Variants in FAM25G observed in about 807,000 individuals in gnomAD.
The protein encoded by FAM25G is protein FAM25G.
In FAM25G, 3 loss-of-function variants were observed where a neutral mutation model predicts 6.4. The ratio of observed to expected loss-of-function variants is 0.47; its 90% CI spans 0.21 to 1.21. The LOEUF is 1.21. FAM25G is among the 50% of genes most tolerant of loss of function. FAM25G has a pLI of 0.22. For missense variants in FAM25G, 34 were observed against 76.0 expected, an observed-to-expected ratio of 0.45 and a Z score of 2.06; for synonymous variants, 15 against 31.3, an observed-to-expected ratio of 0.48 and a Z score of 1.74.
Position 47,491,620 on chromosome 10 carries a change from T to C in FAM25G, c.55A>G (p.Lys19Glu), listed in dbSNP as rs1588940110. The C allele has an allele frequency of 1.1e-5, 17 of 1,533,616 alleles. No individual in the cohort carries two copies. In the East Asian group the frequency reaches 4.3e-4, roughly 39 times the overall value. The change falls in exon 1 of 3, where the codon AAG (lysine) becomes GAG (glutamate). Residue 19 changes from lysine (K) to glutamate (E), a missense_variant. Coordinates refer to ENST00000452267, the MANE Select transcript of FAM25G (RefSeq NM_001137549.2). Reference sequence around the variant, plus strand: ...TCCTCACTGGCTCCCTCGGTGGCCTTCTCGGTGCGGTGGGCCAGGCCCTCG... The same window carrying C: ...TCCTCACTGGCTCCCTCGGTGGCCTCCTCGGTGCGGTGGGCCAGGCCCTCG... Reference protein sequence around the residue: ...AAEGLAHRTEKATEGAIHAVE... With the variant: ...AAEGLAHRTEEATEGAIHAVE...
intron 2 of FAM25G, among the ~76,000 whole-genome samples, chr10:47,487,771 A>G (rs1840072872): frequency 7.1e-6 from 1 of 140,688 alleles, no homozygotes; most frequent in Non-Finnish European, 1.5e-5. Flanking sequence ...CTTGGTTTAT[A>G]GTGTTTTTTT....
intron 1 of FAM25G, among the ~76,000 whole-genome samples, 190 bp from the exon 2 acceptor site, chr10:47,489,838 C>A (rs1840115662): frequency 7.3e-6 from 1 of 137,742 alleles, no homozygotes; most frequent in East Asian, 2.1e-4. Flanking sequence ...CTATACATCC[C>A]TGGGCATCCT....
chr10:47,491,541 C>T, intron 1 of FAM25G, 61 bp downstream of exon 1: 1 of 1,384,930 alleles, frequency 7.2e-7, no homozygotes, highest in Middle Eastern at 2.6e-4. Flanking sequence ...ATCCGCCTCC[C>T]ACAGACCCAG....
At chr10:47,488,707 T>A (rs1251141028) in intron 2 of FAM25G, among the ~76,000 whole-genome samples, 1 of 132,838 alleles carries the variant, frequency 7.5e-6, no homozygotes, top group Admixed American at 8.0e-5. Context: ...GAATTTTACA[T>A]GTTAAATTTT....
Position 47,487,393 on chromosome 10 carries a change from A to C in FAM25G, c.152T>G (p.Ile51Arg), listed in dbSNP as rs1441333363. ...GTCCCCTGACTCCTGGGCTTTCTTT[A>C]TGGCTTCAGCAATGGCTGTTGGAAA... ...ETGEKAIAEA[I>R]KKAQESGDKK... The change falls in exon 3 of 3, where the codon ATA becomes AGA. Residue 51 changes from isoleucine (I) to arginine (R), a missense_variant. By Grantham distance (97) the Ile-to-Arg change is moderately conservative (BLOSUM62 -3). Transcript: ENST00000452267. 8.2e-5 allele frequency: 86 copies of C among 1,047,082 alleles called. 1 individual carries two copies. Among genetic ancestry groups the C allele is most frequent in the Non-Finnish European group, 1.1e-4 (80 of 745,566 alleles). The allele number at this position is 1,047,082 out of a possible 1,614,324, so 64.9% of individuals were successfully genotyped here. A position where few individuals can be genotyped will look rare whatever the true frequency, so the allele number is the denominator to read the frequency against.
Position 47,488,713 on chromosome 10 carries a change from A to ATTTTTTTT in FAM25G, c.136+865_136+872dup, listed in dbSNP as rs1160121365. On this transcript the variant is annotated intron_variant, in intron 2 of 2. Transcript: ENST00000452267. ...TTTAACATAGAATTTTACATGTTAA[A>ATTTTTTTT]TTTTTTTTTTTTTTTTTTTTTTTTT... is the stretch of plus-strand genomic sequence containing the variant. Among the ~76,000 whole-genome samples, 104 of 62,120 alleles carry ATTTTTTTT rather than the reference A, an allele frequency of 1.7e-3. 2 individuals are homozygous for ATTTTTTTT. Among genetic ancestry groups the ATTTTTTTT allele is most frequent in the African/African-American group, 4.7e-3 (66 of 14,126 alleles). 40.8% of individuals were successfully genotyped at this position (62,120 alleles called of 152,430 possible). A position where few individuals can be genotyped will look rare whatever the true frequency, so the allele number is the denominator to read the frequency against.
At chr10:47,490,167 C>A (rs1338607389) in intron 1 of FAM25G, 3 of 184,938 alleles carry the variant, frequency 1.6e-5, no homozygotes, top group Non-Finnish European at 3.4e-5. Flanking sequence ...TCTCTCAAAG[C>A]AATTCCTCCA....
intron 2 of FAM25G, among the ~76,000 whole-genome samples, chr10:47,488,754 G>A (rs1840091322): frequency 9.8e-6 from 1 of 102,402 alleles, no homozygotes; most frequent in Non-Finnish European, 1.7e-5. Flanking sequence ...TTGAGACAGA[G>A]TATCACACTG....
chr10:47,488,243 C>T (rs1483683881), intron 2 of FAM25G, among the ~76,000 whole-genome samples: 2 of 140,062 alleles, frequency 1.4e-5, no homozygotes, highest in Non-Finnish European at 3.1e-5. Context: ...CAGAGTCTTG[C>T]TCTGTCACCC....
At chr10:47,487,471 C>T (rs1247779182) in intron 2 of FAM25G, 63 bp from the exon 3 acceptor site, 7 of 576,276 alleles carry the variant, frequency 1.2e-5, no homozygotes, top group Non-Finnish European at 2.0e-5. Flanking sequence ...CCTTGAGTGG[C>T]CTGTGGGATG....
In FAM25G at chr10:47,490,426, G is replaced by A. The variant is rs2942986; in HGVS notation, c.74-778C>T. ...AGTTCGAGAGAGAAAATGGGAGCAG[G>A]GCGCTATCGCGAGTGTGGAGGCTGC... is the stretch of plus-strand genomic sequence containing the variant. On this transcript the variant is annotated intron_variant, in intron 1 of 2. Coordinates refer to ENST00000452267, the MANE Select transcript of FAM25G (RefSeq NM_001137549.2). 1.9e-3 allele frequency: 279 copies of A among 150,548 alleles called. 1 individual carries two copies. The highest frequency in any genetic ancestry group is 6.0e-3 in the African/African-American group (242 of 40,130). The allele number at this position is 150,548 out of a possible 1,614,324, so 9.3% of individuals were successfully genotyped here. A position where few individuals can be genotyped will look rare whatever the true frequency, so the allele number is the denominator to read the frequency against.
intron 2 of FAM25G, among the ~76,000 whole-genome samples, chr10:47,489,138 C>A (rs1251435225): frequency 1.3e-5 from 2 of 150,192 alleles, no homozygotes; most frequent in Non-Finnish European, 3.0e-5. Context: ...CTGCCTCAGC[C>A]TCCCAAGTAG....
chr10:47,489,314 T>A (rs1290541424), intron 2 of FAM25G, among the ~76,000 whole-genome samples: 2 of 146,080 alleles, frequency 1.4e-5, no homozygotes, highest in Non-Finnish European at 1.5e-5. Context: ...CACCGCACCC[T>A]GCCATGTTAA....
intron 1 of FAM25G, 134 bp downstream of exon 1, chr10:47,491,468 A>G: frequency 1.7e-6 from 1 of 594,790 alleles, no homozygotes; most frequent in South Asian, 2.0e-5. Context: ...GACTTGGTAG[A>G]GCAGGAGACC....
At chr10:47,488,651 A>G (rs1294407264) in intron 2 of FAM25G, among the ~76,000 whole-genome samples, 96 of 147,184 alleles carry the variant, frequency 6.5e-4, no homozygotes, top group Admixed American at 2.0e-3. Flanking sequence ...TGCTTTGTAC[A>G]TAGTACTACT....
At chr10:47,488,659 AC>A (rs1356440867) in intron 2 of FAM25G, among the ~76,000 whole-genome samples, 7 of 138,960 alleles carry the variant, frequency 5.0e-5, no homozygotes, top group South Asian at 4.5e-4. Context: ...ACATAGTACT[AC>A]TCATAGCTCA....
intron 2 of FAM25G, among the ~76,000 whole-genome samples, chr10:47,488,871 G>T (rs1840094608): frequency 6.8e-6 from 1 of 146,086 alleles, no homozygotes; most frequent in Non-Finnish European, 1.5e-5. Flanking sequence ...AGGACTACAG[G>T]TGCCCGCCAC....
At chr10:47,488,611 A>G (rs1208580671) in intron 2 of FAM25G, among the ~76,000 whole-genome samples, 84 of 147,838 alleles carry the variant, frequency 5.7e-4, no homozygotes, top group African/African-American at 2.0e-3. Context: ...CCTGGAATCT[A>G]TTTTGTTGAA....
In FAM25G at chr10:47,487,712, A is replaced by T. The variant is rs1840072317; in HGVS notation, c.137-304T>A. Reference sequence around the variant, plus strand: ...TTATATTGGGTTGTTATATTGGATTATCATTTTTATGACAAATATTTTTCA... The same window carrying T: ...TTATATTGGGTTGTTATATTGGATTTTCATTTTTATGACAAATATTTTTCA... On this transcript the variant is annotated intron_variant, in intron 2 of 2. Coordinates refer to ENST00000452267, the MANE Select transcript of FAM25G (RefSeq NM_001137549.2). 2.0e-5 allele frequency among the ~76,000 whole-genome samples: 3 copies of T among 147,196 alleles called. No individual in the cohort carries two copies. In the South Asian group the frequency reaches 6.5e-4, roughly 32 times the overall value.
Sources: allele counts gnomAD v4.1 joint callset (sites outside exome capture counted in the v4.1 genomes callset), GRCh38; gene constraint gnomAD v4.1.1; transcripts MANE v1.5; gene names NCBI Gene and HGNC (gene_info 2026-07-23, HGNC 2026-07-21).